The following FADS6 variants were observed in gnomAD, a reference collection of about 807,000 sequenced individuals.
FADS6 encodes the protein fatty acid desaturase 6.
Under a neutral mutation model 31.7 loss-of-function variants are expected in FADS6, and 28 were observed. The ratio of observed to expected loss-of-function variants is 0.88; its 90% confidence interval spans 0.66 to 1.21. FADS6 has a LOEUF of 1.21. Among genes scored for constraint, FADS6 ranks in the 50% most tolerant of loss-of-function variants. The pLI is 0.00. For missense variants in FADS6, 494 were observed against 504.2 expected (o/e 0.98, Z 0.19); for synonymous variants, 191 against 213.1 (o/e 0.90, Z 0.90).
downstream of FADS6, among the ~76,000 whole-genome samples, chr17:74,875,318 CTAT>C (rs1484387416): frequency 1.3e-5 from 2 of 152,162 alleles, no homozygotes; most frequent in Non-Finnish European, 2.9e-5. Context: ...TAAACATTAG[CTAT>C]TATTATCATC....
At chr17:74,880,945 G>C in intron 4 of FADS6, 123 bp downstream of exon 4, 1 of 1,016,028 alleles carries the variant, frequency 9.8e-7, no homozygotes, top group Non-Finnish European at 1.4e-6. Flanking sequence ...ATGAGAGCGA[G>C]AGGGAGGATG....
intron 5 of FADS6, chr17:74,878,985 T>TG (rs2038536491): frequency 4.9e-6 from 1 of 205,854 alleles, no homozygotes; most frequent in Non-Finnish European, 9.6e-6. Context: ...CCAGGCCAGT[T>TG]GGGGGACTTG....
At chr17:74,882,971 A>G in intron 2 of FADS6, 2 of 858,770 alleles carry the variant, frequency 2.3e-6, no homozygotes, top group Non-Finnish European at 3.4e-6. Context: ...GGACCCCTGG[A>G]GTGCCAATCT....
chr17:74,880,339 C>G (rs992167999), intron 4 of FADS6, among the ~76,000 whole-genome samples: 3 of 151,984 alleles, frequency 2.0e-5, no homozygotes, highest in African/African-American at 7.2e-5. Flanking sequence ...AGGAGAAGCT[C>G]ACTTCATTAT....
At chr17:74,875,443 C>T (rs910171830), downstream of FADS6, among the ~76,000 whole-genome samples, 3 of 152,208 alleles carry the variant, frequency 2.0e-5, no homozygotes, top group African/African-American at 7.2e-5. Context: ...TCTCAGGCCT[C>T]AGAAATTCCC....
rs2038702649 is a variant in FADS6, at chr17:74,892,619, G to A, written c.315C>T (p.His105=). The A allele has an allele frequency of 6.2e-7, 1 of 1,613,410 alleles. No homozygotes were observed. Among genetic ancestry groups the A allele is most frequent in the Non-Finnish European group, 8.5e-7 (1 of 1,179,644 alleles). ...GGCTGCCCTTGACAGTGAGTGTGTA[G>A]TGGCACACACCCAAGATGGTGATGC... ...ASGITILGVC[H]YTLTVKGSHL... is the part of the protein sequence containing the mutation. The change falls in exon 2 of 6, where the codon CAC becomes CAT. Residue 105 remains histidine, a synonymous_variant. Coordinates refer to ENST00000612771, the MANE Select transcript of FADS6 (RefSeq NM_178128.6).
chr17:74,891,250 C>T (rs2038685192), intron 2 of FADS6, among the ~76,000 whole-genome samples: 1 of 151,596 alleles, frequency 6.6e-6, no homozygotes, highest in Admixed American at 6.6e-5. Context: ...GTTGGTCATG[C>T]TGGTCTCAAA....
At chr17:74,878,570 C>T (rs910109081) in intron 5 of FADS6, 93 bp from the exon 6 acceptor site, 1 of 1,461,020 alleles carries the variant, frequency 6.8e-7, no homozygotes, top group South Asian at 1.3e-5. Flanking sequence ...ATCTTCCCAC[C>T]CCCAGTTCCT....
chr17:74,893,077 C>G (rs1598567049), intron 1 of FADS6, among the ~76,000 whole-genome samples: 2 of 152,262 alleles, frequency 1.3e-5, no homozygotes, highest in East Asian at 3.9e-4. Context: ...CTCCCGGCCA[C>G]TCCCCCGCTC....
At chr17:74,889,587 C>T (rs1372392407) in intron 2 of FADS6, among the ~76,000 whole-genome samples, 8 of 151,696 alleles carry the variant, frequency 5.3e-5, no homozygotes, top group African/African-American at 1.2e-4. Flanking sequence ...AAAAAAAGGC[C>T]GGGTACAGTG....
chr17:74,881,382 G>GCTTTT, intron 3 of FADS6, 127 bp from the exon 4 acceptor site: 3 of 861,542 alleles, frequency 3.5e-6, no homozygotes, highest in Non-Finnish European at 5.2e-6. Flanking sequence ...GCCCTGAAAA[G>GCTTTT]CAGGGCACCC....
intron 2 of FADS6, among the ~76,000 whole-genome samples, chr17:74,888,494 C>G (rs1250582058): frequency 6.6e-6 from 1 of 152,144 alleles, no homozygotes; most frequent in African/African-American, 2.4e-5. Context: ...AATGGTCACA[C>G]TGAACGCCTG....
chr17:74,893,138 A>G (rs2038710589), intron 1 of FADS6, among the ~76,000 whole-genome samples: 1 of 127,494 alleles, frequency 7.8e-6, no homozygotes, highest in African/African-American at 3.7e-5. Flanking sequence ...TAGGGTACAC[A>G]GGGCAGAACA....
chr17:74,876,260 T>C (rs2038507206), downstream of FADS6, among the ~76,000 whole-genome samples: 1 of 152,152 alleles, frequency 6.6e-6, no homozygotes, highest in Admixed American at 6.5e-5. Flanking sequence ...CGGCAGTTTG[T>C]CTCCCTATCA....
chr17:74,879,780 C>T (rs930602662), intron 4 of FADS6, among the ~76,000 whole-genome samples, 197 bp from the exon 5 acceptor site: 2 of 152,210 alleles, frequency 1.3e-5, no homozygotes, highest in African/African-American at 4.8e-5. Flanking sequence ...ATCTCTGGGC[C>T]TCCCTCCCCA....
intron 2 of FADS6, among the ~76,000 whole-genome samples, chr17:74,888,150 A>G (rs138610422): frequency 0.58 from 71,208 of 121,892 alleles, 19,881 homozygotes; most frequent in Admixed American, 0.65. Flanking sequence ...ACACACACAC[A>G]CACACGCGCG....
At chr17:74,875,009 C>T (rs1181111654), downstream of FADS6, among the ~76,000 whole-genome samples, 1 of 152,132 alleles carries the variant, frequency 6.6e-6, no homozygotes, top group Non-Finnish European at 1.5e-5. Context: ...AGCTCTTATA[C>T]CCCCAGGGCT....
chr17:74,883,029 G>C, intron 2 of FADS6: 1 of 504,134 alleles, frequency 2.0e-6, no homozygotes, highest in Non-Finnish European at 3.6e-6. Flanking sequence ...CGTGATTGGA[G>C]GCACTGCAGG....
At position 74,882,596 on chromosome 17, in the gene FADS6, T is replaced by A. The variant is rs577982165; in HGVS notation, c.526A>T (p.Asn176Tyr). The A allele has an allele frequency of 6.2e-7, 1 of 1,607,898 alleles. No individual in the cohort carries two copies. The highest frequency in any genetic ancestry group is 1.3e-5 in the African/African-American group (1 of 74,930). Reference sequence around the variant, plus strand: ...GCAAGGAACATGTAGACATAGCGGTTGAGGCAAGGCAGCCTCCACGTGCTG... The same window carrying A: ...GCAAGGAACATGTAGACATAGCGGTAGAGGCAAGGCAGCCTCCACGTGCTG... ...DSSTWRLPCL[N>Y]RYVYMFLAPF... Residue 176 changes from asparagine to tyrosine, a missense_variant, in exon 3 of 6, where the codon AAC becomes TAC. Transcript: ENST00000612771.
Sources: gnomAD v4.1 joint callset for allele counts (sites outside exome capture counted in the v4.1 genomes callset) on GRCh38, gnomAD v4.1.1 for gene constraint, MANE v1.5 for transcripts, NCBI Gene and HGNC (gene_info 2026-07-23, HGNC 2026-07-21) for gene names.